Variants in GPR139 observed in about 807,000 individuals in gnomAD.
GPR139 encodes the protein probable G protein-coupled receptor 139.
A neutral mutation model predicts 25.8 loss-of-function variants in GPR139; 12 were observed. The observed-to-expected ratio is 0.47, with a 90% confidence interval of 0.30 to 0.75. The LOEUF is 0.75. Among genes scored for constraint, GPR139 ranks in the 30% least tolerant of loss-of-function variants. The probability of loss-of-function intolerance (pLI) is 0.07; values close to 1 mark genes in which losing one functional copy is unlikely to be tolerated. For synonymous variants in GPR139, 184 were observed against 179.9 expected, an observed-to-expected ratio of 1.02 and a Z score of -0.18; for missense variants, 380 against 450.2, an observed-to-expected ratio of 0.84 and a Z score of 1.41.
chr16:20,056,842 G>T (rs913523126), intron 1 of GPR139, among the ~76,000 whole-genome samples: 4 of 152,134 alleles, frequency 2.6e-5, no homozygotes, highest in Non-Finnish European at 5.9e-5. Context: ...TTTTTTCAGG[G>T]GGATTGTTTC....
chr16:20,040,547 A>C (rs1343323611), intron 1 of GPR139, among the ~76,000 whole-genome samples: 2 of 152,200 alleles, frequency 1.3e-5, no homozygotes, highest in African/African-American at 4.8e-5. Context: ...TATTATGACT[A>C]TTTTTGTTAC....
intron 1 of GPR139, among the ~76,000 whole-genome samples, chr16:20,063,617 G>A (rs1326102077): frequency 6.6e-6 from 1 of 152,228 alleles, no homozygotes; most frequent in Non-Finnish European, 1.5e-5. Context: ...CAGCTGAAAA[G>A]AGATTCAATG....
chr16:20,030,364 A>T lies in GPR139; in HGVS notation c.*1371T>A, dbSNP rs1052931296. ...AACAGGGATGAATTCGAATACTGGG[A>T]ATCTGAGGGAGAAGTTAAAAAAAAA... On this transcript the variant is annotated 3_prime_UTR_variant, in exon 2 of 2. Transcript: ENST00000570682. Among the ~76,000 whole-genome samples, 9 of 151,982 alleles carry T rather than the reference A, an allele frequency of 5.9e-5. No individual in the cohort carries two copies. Among genetic ancestry groups the T allele is most frequent in the African/African-American group, 2.2e-4 (9 of 41,406 alleles).
intron 1 of GPR139, among the ~76,000 whole-genome samples, chr16:20,067,154 C>A (rs2057437447): frequency 6.6e-6 from 1 of 152,200 alleles, no homozygotes; most frequent in Non-Finnish European, 1.5e-5. Context: ...CTAACATGAT[C>A]GTTACAGAAA....
At position 20,032,171 on chromosome 16, in the gene GPR139, T is replaced by A; in HGVS notation, c.626A>T (p.Lys209Met). 1 of 1,614,190 alleles carries A rather than the reference T, an allele frequency of 6.2e-7. No individual in the cohort carries two copies. The highest frequency in any genetic ancestry group is 8.5e-7 in the Non-Finnish European group (1 of 1,180,032). ...ACGAAAATTGCTCTTCCTCCTGAGC[T>A]TGTACACAATGATTGAGTTCAAGAT... ...FFILNSIIVY[K>M]LRRKSNFRLR... is the part of the protein sequence containing the mutation. The change falls in exon 2 of 2, where the codon AAG becomes ATG. Residue 209 changes from lysine (K) to methionine (M), a missense_variant. Lys to Met is a moderately conservative substitution (Grantham distance 95). Transcript: ENST00000570682.
intron 1 of GPR139, among the ~76,000 whole-genome samples, chr16:20,070,692 G>A (rs1436864824): frequency 1.3e-5 from 2 of 152,202 alleles, no homozygotes; most frequent in African/African-American, 4.8e-5. Flanking sequence ...CAACTACTGC[G>A]AGAATTTGGG....
At chr16:20,034,346 A>G (rs727590) in intron 1 of GPR139, among the ~76,000 whole-genome samples, 30,745 of 152,122 alleles carry the variant, frequency 0.2, 3,569 homozygotes, top group East Asian at 0.35. Flanking sequence ...ACTCAGATTT[A>G]ATACATTTTA....
chr16:20,052,929 G>A (rs1427653912), intron 1 of GPR139, among the ~76,000 whole-genome samples: 1 of 151,980 alleles, frequency 6.6e-6, no homozygotes, highest in African/African-American at 2.4e-5. Context: ...TAAATGGTGC[G>A]TCACGGTGGT....
intron 1 of GPR139, among the ~76,000 whole-genome samples, chr16:20,052,237 G>A (rs772804220): frequency 1.3e-5 from 2 of 152,212 alleles, no homozygotes; most frequent in Non-Finnish European, 2.9e-5. Context: ...AGCCACCAGT[G>A]ATGATAGGTT....
rs1032517369 is a variant in GPR139, at chr16:20,073,595, G to A, written c.22C>T (p.Leu8Phe). The A allele has an allele frequency of 1.2e-6, 2 of 1,609,798 alleles. No homozygotes were observed. Among genetic ancestry groups the A allele is most frequent in the African/African-American group, 2.7e-5 (2 of 74,816 alleles). The change falls in exon 1 of 2, where the codon CTC becomes TTC. Residue 8 changes from leucine to phenylalanine, a missense_variant. Transcript: ENST00000570682. The surrounding 1 kb of genome is among the most constrained non-coding windows in gnomAD (Gnocchi z 4.7). ...CAAGACAGCGAGCTGTTGGCTGCGA[G>A]GTGGGCGTGCGTGTGCTCCATGAGC... MEHTHAH[L>F]AANSSLSWWS...
intron 1 of GPR139, among the ~76,000 whole-genome samples, chr16:20,052,491 A>G (rs2057375696): frequency 1.3e-5 from 2 of 152,212 alleles, no homozygotes; most frequent in African/African-American, 2.4e-5. Context: ...GAAGGGAAGT[A>G]ATCTTTATAA....
In GPR139 at chr16:20,032,061, T is replaced by G; in HGVS notation, c.736A>C (p.Ile246Leu). ...CCATAGAGGTGGTAAAGAATCATGA[T>G]GATGCGGGGGGCCCAAAGTGTGGCA... ...IFATLWAPRIIMILYHLYGAP... is the reference protein window; with the variant it reads ...IFATLWAPRILMILYHLYGAP... The change falls in exon 2 of 2, where the codon ATC (isoleucine) becomes CTC (leucine). Residue 246 changes from isoleucine (I) to leucine (L), a missense_variant. By Grantham distance (5) the Ile-to-Leu change is conservative. Coordinates refer to ENST00000570682, the MANE Select transcript of GPR139 (RefSeq NM_001002911.4). 1 of 1,614,166 alleles carries G rather than the reference T, an allele frequency of 6.2e-7. No homozygotes were observed. Among genetic ancestry groups the G allele is most frequent in the Non-Finnish European group, 8.5e-7 (1 of 1,180,028 alleles).
chr16:20,037,593 CAG>C (rs1198822845), intron 1 of GPR139, among the ~76,000 whole-genome samples: 2 of 152,066 alleles, frequency 1.3e-5, no homozygotes, highest in Non-Finnish European at 2.9e-5. Flanking sequence ...GTTCATAGAA[CAG>C]AGAGACATGA....
rs889701489 is a variant in GPR139, at chr16:20,046,662, C to T, written c.128-13993G>A. Among the ~76,000 whole-genome samples, 12 of 152,020 alleles carry T rather than the reference C, an allele frequency of 7.9e-5. No individual in the cohort carries two copies. The South Asian group carries it at 1.0e-3, about 13-fold the overall frequency. ...TGAGTTCTGGGTTCTGAGTTTGTGG[C>T]GAGGGAAGGCTTCAGAGAAACATGC... is the stretch of plus-strand genomic sequence containing the variant. On this transcript the variant is annotated intron_variant, in intron 1 of 1. Coordinates refer to ENST00000570682, the MANE Select transcript of GPR139 (RefSeq NM_001002911.4).
In GPR139 at chr16:20,032,718, G is replaced by T. The variant is rs1320013692; in HGVS notation, c.128-49C>A. ...TTAGCTCTGAAGCAAAGATGACTTC[G>T]TTGGCTCCTATGGGGGCCCTAGGCA... On this transcript the variant is annotated intron_variant, in intron 1 of 1. Coordinates refer to ENST00000570682, the MANE Select transcript of GPR139 (RefSeq NM_001002911.4). 1.5e-5 allele frequency: 22 copies of T among 1,448,616 alleles called. 1 individual carries two copies. The highest frequency in any genetic ancestry group is 1.2e-4 in the South Asian group (9 of 76,748). The allele number at this position is 1,448,616 out of a possible 1,614,324, so 89.7% of individuals were successfully genotyped here. A position where few individuals can be genotyped will look rare whatever the true frequency, so the allele number is the denominator to read the frequency against.
chr16:20,041,617 C>T (rs1380471558), intron 1 of GPR139, among the ~76,000 whole-genome samples: 2 of 152,118 alleles, frequency 1.3e-5, no homozygotes, highest in Admixed American at 1.3e-4. Flanking sequence ...CTTTTAGCTT[C>T]TGCAGAAGGT....
chr16:20,064,088 G>A (rs958339769), intron 1 of GPR139, among the ~76,000 whole-genome samples: 13 of 152,148 alleles, frequency 8.5e-5, no homozygotes, highest in Non-Finnish European at 2.9e-5. Context: ...CATGAGAAAA[G>A]ATTAAGCAAC....
chr16:20,073,650 C>T lies in GPR139; in HGVS notation c.-34G>A, dbSNP rs1295387204. ...CCCTCGCTCCCCTTGCCGCTTCGCG[C>T]CCGGCCTGCCAGCCCGACTCTGGTC... On this transcript the variant is annotated 5_prime_UTR_variant, in exon 1 of 2. Coordinates refer to ENST00000570682, the MANE Select transcript of GPR139 (RefSeq NM_001002911.4). This position sits in a 1 kb window ranked among gnomAD's most constrained non-coding sequence, Gnocchi z 4.7. 1 of 1,530,352 alleles carries T rather than the reference C, an allele frequency of 6.5e-7. No individual in the cohort carries two copies. Among genetic ancestry groups the T allele is most frequent in the Non-Finnish European group, 8.8e-7 (1 of 1,137,114 alleles). The allele number at this position is 1,530,352 out of a possible 1,614,324, so 94.8% of individuals were successfully genotyped here.
At chr16:20,035,955 C>T (rs2057308464) in intron 1 of GPR139, among the ~76,000 whole-genome samples, 1 of 152,190 alleles carries the variant, frequency 6.6e-6, no homozygotes, top group African/African-American at 2.4e-5. Flanking sequence ...TATTTAGCAT[C>T]TACTTTCTGT....
Sources: gnomAD v4.1 joint callset for allele counts (sites outside exome capture counted in the v4.1 genomes callset) on GRCh38, gnomAD v4.1.1 for gene constraint, Gnocchi (gnomAD v3.1) non-coding constraint, MANE v1.5 for transcripts, NCBI Gene and HGNC (gene_info 2026-07-23, HGNC 2026-07-21) for gene names.